The following CRHBP variants were observed in gnomAD, a reference collection of about 807,000 sequenced individuals.
CRHBP encodes the protein corticotropin-releasing hormone-binding protein.
In CRHBP, 19 loss-of-function variants were observed where a neutral mutation model predicts 34.9. The ratio of observed to expected loss-of-function variants is 0.55; its 90% CI spans 0.38 to 0.80. The LOEUF is 0.80. CRHBP is among the 30% of genes least tolerant of loss of function. The pLI is 0.00. For synonymous variants in CRHBP, 154 were observed against 153.4 expected (o/e 1.00, Z -0.03); for missense variants, 328 against 409.2 (o/e 0.80, Z 1.71).
downstream of CRHBP, among the ~76,000 whole-genome samples, chr5:76,969,864 A>G (rs1003684378): frequency 1.3e-5 from 2 of 151,646 alleles, no homozygotes; most frequent in Non-Finnish European, 1.5e-5. Context: ...TGTTTGGCTT[A>G]AAACTGAGTG....
At chr5:76,958,974 A>G (rs2150706268) in intron 5 of CRHBP, 85 bp downstream of exon 5, 1 of 1,429,114 alleles carries the variant, frequency 7.0e-7, no homozygotes, top group African/African-American at 1.4e-5. Flanking sequence ...AAACCTGGAC[A>G]CTAGCAAATT....
Position 76,956,724 on chromosome 5 carries a change from C to CAA in CRHBP, c.544+875_544+876dup, listed in dbSNP as rs5868846. Among the ~76,000 whole-genome samples, 433 of 98,210 alleles carry CAA rather than the reference C, an allele frequency of 4.4e-3. 2 individuals carry two copies. Among genetic ancestry groups the CAA allele is most frequent in the African/African-American group, 0.014 (398 of 27,674 alleles). The allele number at this position is 98,210 out of a possible 152,430, so 64.4% of individuals were successfully genotyped here. On this transcript the variant is annotated intron_variant, in intron 4 of 6. Coordinates refer to ENST00000274368, the MANE Select transcript of CRHBP (RefSeq NM_001882.4). The stretch of plus-strand genomic sequence containing the variant: ...GGGTGACAAAGGGAGACTCTTGTCT[C>CAA]AAAAAAAAAAAAAAATGAATTTACT...
At chr5:76,969,787 A>G (rs1406291154), downstream of CRHBP, among the ~76,000 whole-genome samples, 2 of 152,096 alleles carry the variant, frequency 1.3e-5, no homozygotes, top group African/African-American at 4.8e-5. Flanking sequence ...TCATAGACAC[A>G]ATTTGCAGAA....
rs1745627438 is a variant in CRHBP, at chr5:76,954,150, G to A, written c.297G>A (p.Gln99=). ...AGTTCATTACCATCCACTACGACCA[G>A]GTCTCCATCGACTGTCAGGGCGGCG... The part of the protein sequence containing the change: ...PEEFITIHYD[Q]VSIDCQGGDF... The change falls in exon 3 of 7, where the codon CAG becomes CAA. Residue 99 remains glutamine (Q), a synonymous_variant. Transcript: ENST00000274368. 1 of 1,613,788 alleles carries A rather than the reference G, an allele frequency of 6.2e-7. No homozygotes were observed. Among genetic ancestry groups the A allele is most frequent in the African/African-American group, 1.3e-5 (1 of 74,902 alleles).
Position 76,968,989 on chromosome 5 carries a change from G to A in CRHBP, c.*104G>A, listed in dbSNP as rs1561268091. On this transcript the variant is annotated 3_prime_UTR_variant, in exon 7 of 7. Coordinates refer to ENST00000274368, the MANE Select transcript of CRHBP (RefSeq NM_001882.4). ...AGTTAAAAGCCTTTCATACCAGTCA[G>A]TATTCCCAGCCTTGAGCGCACGCGC... The A allele has an allele frequency of 2.2e-6, 3 of 1,368,818 alleles. No homozygotes were observed. The highest frequency in any genetic ancestry group is 2.0e-4 in the Middle Eastern group (1 of 5,062). The allele number at this position is 1,368,818 out of a possible 1,614,324, so 84.8% of individuals were successfully genotyped here.
chr5:76,953,131 C>T lies in CRHBP; in HGVS notation c.-4C>T. The T allele has an allele frequency of 6.2e-7, 1 of 1,614,216 alleles. No individual in the cohort carries two copies. The highest frequency in any genetic ancestry group is 1.1e-5 in the South Asian group (1 of 91,088). On this transcript the variant is annotated 5_prime_UTR_variant, in exon 1 of 7. Transcript: ENST00000274368. ...AGCACAGCAGCTGCAGAGGCAAGGCCAGCATGTCGCCCAACTTCAAACTTC... is the reference window on the plus strand; with the variant it reads ...AGCACAGCAGCTGCAGAGGCAAGGCTAGCATGTCGCCCAACTTCAAACTTC...
intron 5 of CRHBP, 166 bp from the exon 6 acceptor site, chr5:76,963,177 C>T: frequency 3.5e-6 from 2 of 571,374 alleles, no homozygotes; most frequent in South Asian, 2.9e-5. Context: ...ATGATTTTTT[C>T]TCTTTTAAAT....
At chr5:76,975,825 A>AAAAAAAAATATATATATATATATAT in intron 2 of CRHBP, among the ~76,000 whole-genome samples, 1 of 61,842 alleles carries the variant, frequency 1.6e-5, no homozygotes, top group Non-Finnish European at 2.7e-5. Context: ...AAAAAAAAAA[A>AAAAAAAAATATATATATATATATAT]ATATATATAT....
At chr5:76,954,273 G>C in intron 3 of CRHBP, 87 bp downstream of exon 3, 4 of 1,481,444 alleles carry the variant, frequency 2.7e-6, no homozygotes, top group Non-Finnish European at 3.6e-6. Flanking sequence ...GCGTGGGGCT[G>C]CTGAGCGTAG....
intron 5 of CRHBP, among the ~76,000 whole-genome samples, chr5:76,961,063 G>T (rs1230734215): frequency 6.6e-6 from 1 of 152,072 alleles, no homozygotes; most frequent in Non-Finnish European, 1.5e-5. Context: ...CACTGCTCCT[G>T]GCCAAGTACT....
intron 2 of CRHBP, among the ~76,000 whole-genome samples, chr5:76,975,825 A>AAAAAAAT: frequency 2.7e-4 from 17 of 61,854 alleles, no homozygotes; most frequent in African/African-American, 1.0e-3. Flanking sequence ...AAAAAAAAAA[A>AAAAAAAT]ATATATATAT....
chr5:76,977,037 C>T (rs115327720), intron 3 of CRHBP, among the ~76,000 whole-genome samples: 2,035 of 152,284 alleles, frequency 0.013, 51 homozygotes, highest in African/African-American at 0.045. Context: ...TGATCCTTCC[C>T]TATCCTGGCC....
chr5:76,964,059 T>C (rs1232048258), intron 6 of CRHBP, among the ~76,000 whole-genome samples: 1 of 152,158 alleles, frequency 6.6e-6, no homozygotes, highest in Non-Finnish European at 1.5e-5. Context: ...GCACAGCATA[T>C]GCCAAATAGA....
In CRHBP at chr5:76,968,755, CTG is replaced by C; in HGVS notation, c.842_843del (p.Val281GlyfsTer16). The C allele has an allele frequency of 6.2e-7, 1 of 1,613,772 alleles. No individual in the cohort carries two copies. Among genetic ancestry groups the C allele is most frequent in the Non-Finnish European group, 8.5e-7 (1 of 1,179,806 alleles). Reference sequence around the variant, plus strand: ...CAGATGAAAGTTGGCTGTGACAACACTGTGGTGCGCATGGTCTCCAGTGGAAA... The same window carrying C: ...CAGATGAAAGTTGGCTGTGACAACACTGGTGCGCATGGTCTCCAGTGGAAA... On this transcript the variant is annotated frameshift_variant, in exon 7 of 7. Coordinates refer to ENST00000274368, the MANE Select transcript of CRHBP (RefSeq NM_001882.4). LOFTEE classifies it high-confidence loss of function.
At chr5:76,976,592 G>C (rs142388411) in intron 3 of CRHBP, 13 of 152,290 alleles carry the variant, frequency 8.5e-5, no homozygotes, top group African/African-American at 2.9e-4. Flanking sequence ...GAGCAGCTTC[G>C]TTACGTGTCA....
At chr5:76,977,244 T>C (rs1746046602) in intron 3 of CRHBP, among the ~76,000 whole-genome samples, 1 of 152,340 alleles carries the variant, frequency 6.6e-6, no homozygotes, top group Admixed American at 6.5e-5. Context: ...TCTTGAATCA[T>C]AGTAAAAGCT....
chr5:76,954,130 A>G lies in CRHBP; in HGVS notation c.277A>G (p.Ile93Val), dbSNP rs1745627009. 1 of 1,614,020 alleles carries G rather than the reference A, an allele frequency of 6.2e-7. No individual in the cohort carries two copies. Among genetic ancestry groups the G allele is most frequent in the Non-Finnish European group, 8.5e-7 (1 of 1,179,938 alleles). Reference sequence around the variant, plus strand: ...CTTCATCAGCGAGCCCGAGGAGTTCATTACCATCCACTACGACCAGGTCTC... The same window carrying G: ...CTTCATCAGCGAGCCCGAGGAGTTCGTTACCATCCACTACGACCAGGTCTC... ...AFFISEPEEF[I>V]TIHYDQVSID... The change falls in exon 3 of 7, where the codon ATT (isoleucine) becomes GTT (valine). Residue 93 changes from isoleucine to valine, a missense_variant. Ile to Val is a conservative substitution (Grantham distance 29, BLOSUM62 3). Around this residue, in one of 3 missense-constraint regions of CRHBP, gnomAD observed 173 missense variants for 172.2 expected, o/e 1.00. Coordinates refer to ENST00000274368, the MANE Select transcript of CRHBP (RefSeq NM_001882.4).
At chr5:76,954,259 C>T in intron 3 of CRHBP, 73 bp downstream of exon 3, 1 of 1,536,138 alleles carries the variant, frequency 6.5e-7, no homozygotes, top group East Asian at 2.3e-5. Context: ...GGGCGCTGCA[C>T]CCAGCGTGGG....
At chr5:76,953,349 G>T in intron 1 of CRHBP, 134 bp downstream of exon 1, 1 of 915,340 alleles carries the variant, frequency 1.1e-6, no homozygotes, top group Non-Finnish European at 1.7e-6. Flanking sequence ...CTTGCCCCTG[G>T]TTTCCCCTAT....
Sources: allele counts gnomAD v4.1 joint callset (sites outside exome capture counted in the v4.1 genomes callset), GRCh38; gene constraint gnomAD v4.1.1; regional missense constraint gnomAD v4.1.1; transcripts MANE v1.5; gene names NCBI Gene and HGNC (gene_info 2026-07-23, HGNC 2026-07-21).